Variants in PLAC8 observed in about 807,000 individuals in gnomAD.
PLAC8 encodes the protein placenta-specific gene 8 protein.
In PLAC8, 6 loss-of-function variants were observed where a neutral mutation model predicts 12.6. The ratio of observed to expected loss-of-function variants is 0.48; its 90% CI spans 0.26 to 0.94. PLAC8 has a LOEUF of 0.94. PLAC8 is among the 40% of genes least tolerant of loss of function. The pLI is 0.14. For synonymous variants in PLAC8, 54 were observed against 52.6 expected (o/e 1.03, Z -0.11); for missense variants, 122 against 152.7 (o/e 0.80, Z 1.06).
rs569486718 is a variant in PLAC8, at chr4:83,090,795, C to T, written c.*186G>A. ...ATGAAAGCAAGGAGAAACTAAGTTG[C>T]ACCATTTAGCTAAGTTCAGGGACAA... On this transcript the variant is annotated 3_prime_UTR_variant, in exon 5 of 5. Transcript: ENST00000311507. The T allele has an allele frequency of 1.2e-4, 18 of 152,056 alleles. No individual in the cohort carries two copies. Among genetic ancestry groups the T allele is most frequent in the African/African-American group, 4.3e-4 (18 of 41,486 alleles). 9.4% of individuals were successfully genotyped at this position (152,056 alleles called of 1,614,324 possible). A position where few individuals can be genotyped will look rare whatever the true frequency, so the allele number is the denominator to read the frequency against.
chr4:83,107,128 A>T (rs1392605099), intron 2 of PLAC8, among the ~76,000 whole-genome samples: 1 of 150,744 alleles, frequency 6.6e-6, no homozygotes, highest in African/African-American at 2.4e-5. Context: ...TGAACCTGGG[A>T]GGCGGAGGTT....
intron 3 of PLAC8, among the ~76,000 whole-genome samples, chr4:83,104,635 T>A (rs1251349960): frequency 6.6e-6 from 1 of 152,224 alleles, no homozygotes; most frequent in African/African-American, 2.4e-5. Context: ...CACGCCACAG[T>A]AGATCCTAAA....
chr4:83,113,517 G>A (rs1732470128), intron 1 of PLAC8, among the ~76,000 whole-genome samples: 1 of 152,242 alleles, frequency 6.6e-6, no homozygotes, highest in Non-Finnish European at 1.5e-5. Context: ...GCCAGGGTGT[G>A]TAAACGTGTT....
Position 83,090,947 on chromosome 4 carries a change from TG to T in PLAC8, c.*33del, listed in dbSNP as rs1220364078. The T allele has an allele frequency of 6.6e-6, 1 of 152,212 alleles. No individual in the cohort carries two copies. The highest frequency in any genetic ancestry group is 1.9e-4 in the East Asian group (1 of 5,204). 9.4% of individuals were successfully genotyped at this position (152,212 alleles called of 1,614,324 possible). A position where few individuals can be genotyped will look rare whatever the true frequency, so the allele number is the denominator to read the frequency against. On this transcript the variant is annotated 3_prime_UTR_variant, in exon 5 of 5. Transcript: ENST00000311507. Reference sequence around the variant, plus strand: ...AGCTGAAGAGGTGTCTGCTGAATTTTGTTGCTTCGGTAAGAGCTTTTCACCT... The same window carrying T: ...AGCTGAAGAGGTGTCTGCTGAATTTTTTGCTTCGGTAAGAGCTTTTCACCT...
chr4:83,111,166 A>G (rs1001986185), intron 1 of PLAC8, among the ~76,000 whole-genome samples: 1 of 152,158 alleles, frequency 6.6e-6, no homozygotes, highest in Non-Finnish European at 1.5e-5. Context: ...TGGGGGTCTC[A>G]CTATGTTGCC....
At chr4:83,100,267 C>A (rs1303412720) in intron 3 of PLAC8, among the ~76,000 whole-genome samples, 2 of 140,040 alleles carry the variant, frequency 1.4e-5, no homozygotes, top group Non-Finnish European at 3.0e-5. Context: ...GGTGACAGAG[C>A]GAGACTCCAT....
In PLAC8 at chr4:83,107,799, C is replaced by T. The variant is rs764184299; in HGVS notation, c.118+5G>A. On this transcript the variant is annotated splice_donor_5th_base_variant and intron_variant, in intron 2 of 4. Transcript: ENST00000311507. ...AATAAGGGGGTTCTTTCCCCACACACTTACAGACTCCGCAGTCGCTGAAAC... is the reference window on the plus strand; with the variant it reads ...AATAAGGGGGTTCTTTCCCCACACATTTACAGACTCCGCAGTCGCTGAAAC... The T allele has an allele frequency of 2.5e-6, 4 of 1,587,886 alleles. No individual in the cohort carries two copies. The highest frequency in any genetic ancestry group is 3.5e-6 in the Non-Finnish European group (4 of 1,159,044).
intron 3 of PLAC8, among the ~76,000 whole-genome samples, chr4:83,103,680 G>C (rs1329582409): frequency 6.6e-6 from 1 of 152,000 alleles, no homozygotes; most frequent in Non-Finnish European, 1.5e-5. Context: ...TTTTTGTTTT[G>C]TTTTGTTTGA....
intron 2 of PLAC8, among the ~76,000 whole-genome samples, chr4:83,105,275 G>A (rs2126142727): frequency 6.6e-6 from 1 of 152,296 alleles, no homozygotes; most frequent in East Asian, 1.9e-4. Context: ...TTTGTTCATT[G>A]ATGCAGTAAA....
intron 1 of PLAC8, among the ~76,000 whole-genome samples, chr4:83,110,115 G>C (rs1223872217): frequency 2.0e-5 from 3 of 152,012 alleles, no homozygotes; most frequent in African/African-American, 7.2e-5. Context: ...GCTTCCTCCC[G>C]GGCACCCGCC....
At position 83,108,386 on chromosome 4, in the gene PLAC8, A is replaced by ATC. The variant is rs1196404342; in HGVS notation, c.-29-437_-29-436insGA. Among the ~76,000 whole-genome samples the ATC allele has an allele frequency of 4.6e-5, 7 of 152,222 alleles. No individual in the cohort carries two copies. The South Asian group carries it at 1.5e-3, about 32-fold the overall frequency. On this transcript the variant is annotated intron_variant, in intron 1 of 4. Coordinates refer to ENST00000311507, the MANE Select transcript of PLAC8 (RefSeq NM_016619.3). ...GGCCGACGGATCATTTGAGGTCAGG[A>ATC]ATTCGAGACCAGCCTGGCCAGTATG...
At chr4:83,097,929 G>A (rs1731984580) in intron 3 of PLAC8, among the ~76,000 whole-genome samples, 1 of 150,298 alleles carries the variant, frequency 6.7e-6, no homozygotes, top group Non-Finnish European at 1.5e-5. Flanking sequence ...CGTGATCTCG[G>A]CTCACCGCAA....
intron 1 of PLAC8, among the ~76,000 whole-genome samples, chr4:83,112,831 C>T (rs1480187798): frequency 6.6e-6 from 1 of 152,210 alleles, no homozygotes; most frequent in African/African-American, 2.4e-5. Context: ...CTCTTTGCTT[C>T]AGCCATGAAG....
chr4:83,109,468 C>A (rs182531092), intron 1 of PLAC8, among the ~76,000 whole-genome samples: 1 of 152,326 alleles, frequency 6.6e-6, no homozygotes, highest in Admixed American at 6.5e-5. Flanking sequence ...GAACAAAAAA[C>A]CAGGGGGTCC....
intron 1 of PLAC8, among the ~76,000 whole-genome samples, chr4:83,112,773 A>G (rs558038132): frequency 6.6e-6 from 1 of 152,378 alleles, no homozygotes; most frequent in South Asian, 2.1e-4. Context: ...CAACAAATGT[A>G]AAACAGAAAC....
At chr4:83,094,613 A>G (rs1018045612) in intron 4 of PLAC8, 65 bp downstream of exon 4, 1 of 824,120 alleles carries the variant, frequency 1.2e-6, no homozygotes, top group Non-Finnish European at 2.0e-6. Context: ...CAAATAATTG[A>G]CAAAGTCTTT....
At chr4:83,107,206 C>CAAAAAAAAAAAA (rs70946971) in intron 2 of PLAC8, among the ~76,000 whole-genome samples, 2 of 100,176 alleles carry the variant, frequency 2.0e-5, no homozygotes, top group African/African-American at 8.3e-5. Context: ...GTCTCAAAAA[C>CAAAAAAAAAAAA]AAACAAAAAA....
intron 4 of PLAC8, chr4:83,094,287 G>T: frequency 6.2e-6 from 1 of 160,712 alleles, no homozygotes; most frequent in Non-Finnish European, 1.4e-5. Flanking sequence ...CATACAGAAT[G>T]TTATTTTCTT....
At chr4:83,096,406 CA>C (rs11352744) in intron 3 of PLAC8, among the ~76,000 whole-genome samples, 137,415 of 151,724 alleles carry the variant, frequency 0.91, 62,290 homozygotes, top group East Asian at 0.99. Flanking sequence ...TTGTGAATTA[CA>C]AAAAAAAAAT....
Sources: allele counts gnomAD v4.1 joint callset (sites outside exome capture counted in the v4.1 genomes callset), GRCh38; gene constraint gnomAD v4.1.1; transcripts MANE v1.5; gene names NCBI Gene and HGNC (gene_info 2026-07-23, HGNC 2026-07-21).